The following SAMD13 variants were observed in gnomAD, a reference collection of about 807,000 sequenced individuals.
The protein encoded by SAMD13 is sterile alpha motif domain containing 13, also known as sterile alpha motif domain-containing protein 13.
In SAMD13, 9 loss-of-function variants were observed where a neutral mutation model predicts 12.4. The observed-to-expected ratio is 0.72, with a 90% CI of 0.44 to 1.26. The LOEUF is 1.26. Among genes scored for constraint, SAMD13 ranks in the 50% most tolerant of loss-of-function variants. The probability of loss-of-function intolerance (pLI) is 0.00; values close to 1 mark genes in which losing one functional copy is unlikely to be tolerated. For missense variants in SAMD13, 84 were observed against 119.6 expected, an observed-to-expected ratio of 0.70 and a Z score of 1.39; for synonymous variants, 46 against 45.4, an observed-to-expected ratio of 1.01 and a Z score of -0.05.
intron 2 of SAMD13, among the ~76,000 whole-genome samples, chr1:84,318,923 G>T (rs1678887419): frequency 6.6e-6 from 1 of 152,156 alleles, no homozygotes; most frequent in Admixed American, 6.5e-5. Flanking sequence ...TACATTTCAA[G>T]AGTAAAGTGT....
intron 3 of SAMD13, among the ~76,000 whole-genome samples, chr1:84,329,390 G>A (rs1004371440): frequency 2.6e-5 from 4 of 152,176 alleles, no homozygotes; most frequent in Non-Finnish European, 4.4e-5. Context: ...TCCACCATCA[G>A]ATGGCCTGAC....
At chr1:84,306,884 G>A (rs1229047816) in intron 2 of SAMD13, among the ~76,000 whole-genome samples, 1 of 151,088 alleles carries the variant, frequency 6.6e-6, no homozygotes, top group Non-Finnish European at 1.5e-5. Context: ...TAAAGAAAAA[G>A]TGAAAACAGG....
chr1:84,344,902 G>A (rs906013013), intron 3 of SAMD13: 6 of 456,538 alleles, frequency 1.3e-5, no homozygotes, highest in African/African-American at 1.2e-4. Context: ...CGAACCAAAA[G>A]GGAAACAGAG....
chr1:84,318,852 G>A (rs1157952268), intron 2 of SAMD13, among the ~76,000 whole-genome samples: 1 of 152,124 alleles, frequency 6.6e-6, no homozygotes, highest in Non-Finnish European at 1.5e-5. Context: ...ATTAAGAATT[G>A]AGTCTGTTTA....
chr1:84,346,490 CT>C (rs1468885026), intron 3 of SAMD13, among the ~76,000 whole-genome samples: 1 of 152,138 alleles, frequency 6.6e-6, no homozygotes, highest in Non-Finnish European at 1.5e-5. Flanking sequence ...TGTGAAATAT[CT>C]TTTTGTTTTG....
At chr1:84,341,897 T>C (rs190299750) in intron 3 of SAMD13, among the ~76,000 whole-genome samples, 1 of 152,322 alleles carries the variant, frequency 6.6e-6, no homozygotes, top group Admixed American at 6.5e-5. Flanking sequence ...ACCAGTAGTA[T>C]ATAATGGCTT....
intron 2 of SAMD13, among the ~76,000 whole-genome samples, chr1:84,309,863 T>C (rs1366071040): frequency 6.6e-6 from 1 of 152,164 alleles, no homozygotes; most frequent in Non-Finnish European, 1.5e-5. Context: ...TATAATGACG[T>C]ACCCATTCAC....
intron 2 of SAMD13, among the ~76,000 whole-genome samples, chr1:84,306,002 A>G (rs1449278235): frequency 6.6e-6 from 1 of 152,100 alleles, no homozygotes; most frequent in Non-Finnish European, 1.5e-5. Context: ...GTTTCCACCA[A>G]ATTTTTTTTT....
At chr1:84,340,589 A>C (rs1314923926) in intron 3 of SAMD13, among the ~76,000 whole-genome samples, 5 of 152,232 alleles carry the variant, frequency 3.3e-5, no homozygotes, top group Non-Finnish European at 5.9e-5. Flanking sequence ...ATCCCAATAA[A>C]GTTTTTAAAA....
chr1:84,310,084 C>T (rs1367857643), intron 2 of SAMD13, among the ~76,000 whole-genome samples: 1 of 151,800 alleles, frequency 6.6e-6, no homozygotes, highest in Non-Finnish European at 1.5e-5. Context: ...AAATCTGAGC[C>T]GCATATGTAA....
At chr1:84,321,671 C>G (rs1678948801) in intron 2 of SAMD13, among the ~76,000 whole-genome samples, 1 of 152,196 alleles carries the variant, frequency 6.6e-6, no homozygotes, top group Admixed American at 6.5e-5. Context: ...CTAAGTGTCT[C>G]AATTTGGACA....
intron 2 of SAMD13, among the ~76,000 whole-genome samples, chr1:84,317,093 G>A (rs1212722114): frequency 6.6e-6 from 1 of 151,948 alleles, no homozygotes; most frequent in African/African-American, 2.4e-5. Flanking sequence ...CATTCTCACA[G>A]GTTTTTTTGT....
At chr1:84,305,102 G>A (rs1678539179) in intron 2 of SAMD13, among the ~76,000 whole-genome samples, 1 of 152,106 alleles carries the variant, frequency 6.6e-6, no homozygotes. Context: ...CTGCCAAACT[G>A]TTTTCTAAAC....
chr1:84,303,333 G>T (rs756415241), intron 2 of SAMD13, 46 bp downstream of exon 2: 7 of 1,473,986 alleles, frequency 4.7e-6, no homozygotes, highest in Non-Finnish European at 6.6e-6. Flanking sequence ...AACAACAGAG[G>T]GACTTAGTTT....
intron 2 of SAMD13, among the ~76,000 whole-genome samples, chr1:84,305,656 T>C (rs1678552366): frequency 6.6e-6 from 1 of 152,160 alleles, no homozygotes; most frequent in Non-Finnish European, 1.5e-5. Flanking sequence ...AGGACTATGG[T>C]TTTTGAGTTA....
intron 2 of SAMD13, among the ~76,000 whole-genome samples, chr1:84,306,592 A>G (rs1028939708): frequency 9.7e-5 from 14 of 144,196 alleles, no homozygotes; most frequent in Non-Finnish European, 2.0e-4. Context: ...TGAGATCAAG[A>G]GTTCGAGACT....
At chr1:84,300,497 T>C (rs937446032), upstream of SAMD13, among the ~76,000 whole-genome samples, 11 of 152,240 alleles carry the variant, frequency 7.2e-5, no homozygotes, top group African/African-American at 2.4e-4. Flanking sequence ...GGCAGCTTTT[T>C]CCTCAGATTC....
Position 84,350,580 on chromosome 1 carries a change from T to C in SAMD13, c.*806T>C, listed in dbSNP as rs941384675. ...GTTACAGGTCAAAAAGCCTTGTTAC[T>C]AGTACAGAATATTTTTATATATATT... On this transcript the variant is annotated 3_prime_UTR_variant, in exon 4 of 4. Transcript: ENST00000394834. 1.3e-5 allele frequency: 2 copies of C among 152,626 alleles called. No homozygotes were observed. Among genetic ancestry groups the C allele is most frequent in the African/African-American group, 4.8e-5 (2 of 41,460 alleles). The allele number at this position is 152,626 out of a possible 1,614,324, so 9.5% of individuals were successfully genotyped here. A position where few individuals can be genotyped will look rare whatever the true frequency, so the allele number is the denominator to read the frequency against.
At chr1:84,302,198 A>T (rs1678465533) in intron 1 of SAMD13, among the ~76,000 whole-genome samples, 1 of 152,190 alleles carries the variant, frequency 6.6e-6, no homozygotes, top group Non-Finnish European at 1.5e-5. Flanking sequence ...AATCTTGCGA[A>T]TATACTAAAT....
Sources: allele counts gnomAD v4.1 joint callset (sites outside exome capture counted in the v4.1 genomes callset), GRCh38; gene constraint gnomAD v4.1.1; transcripts MANE v1.5; gene names NCBI Gene and HGNC (gene_info 2026-07-23, HGNC 2026-07-21).